The following LITAF variants were observed in gnomAD, a reference collection of about 807,000 sequenced individuals.
LITAF encodes lipopolysaccharide-induced tumor necrosis factor-alpha factor.
In LITAF, 9 loss-of-function variants were observed where a neutral mutation model predicts 14.5. That is an observed-to-expected ratio of 0.62 (90% confidence interval 0.37 to 1.08). LITAF has a LOEUF of 1.08. Among genes scored for constraint, LITAF ranks in the 50% least tolerant of loss-of-function variants. LITAF has a pLI of 0.01. For missense variants in LITAF, 206 were observed against 213.4 expected (o/e 0.97, Z 0.22); for synonymous variants, 98 against 88.2 (o/e 1.11, Z -0.62).
At chr16:11,629,671 T>C (rs2065106128) in intron 3 of LITAF, among the ~76,000 whole-genome samples, 1 of 152,138 alleles carries the variant, frequency 6.6e-6, no homozygotes, top group South Asian at 2.1e-4. Context: ...CATGGACTGG[T>C]TGCAGCTGGG....
chr16:11,628,221 C>T (rs1043224118), intron 3 of LITAF, among the ~76,000 whole-genome samples: 2 of 152,136 alleles, frequency 1.3e-5, no homozygotes, highest in African/African-American at 4.8e-5. Flanking sequence ...TGACTCATCC[C>T]AGCCCCAACC....
intron 1 of LITAF, among the ~76,000 whole-genome samples, chr16:11,570,502 C>G (rs1381062183): frequency 6.6e-6 from 1 of 152,174 alleles, no homozygotes; most frequent in African/African-American, 2.4e-5. Context: ...GACCTTCCCA[C>G]CCCTACCCGC....
intron 3 of LITAF, among the ~76,000 whole-genome samples, chr16:11,607,756 A>T (rs1460469115): frequency 1.3e-5 from 2 of 152,100 alleles, no homozygotes; most frequent in Admixed American, 6.6e-5. Context: ...GGGTTCATCA[A>T]CCTTGGCACT....
chr16:11,592,972 C>T (rs985357835), intron 1 of LITAF, among the ~76,000 whole-genome samples: 2 of 152,062 alleles, frequency 1.3e-5, no homozygotes, highest in African/African-American at 4.8e-5. Context: ...AGATCGAGAC[C>T]ATCCTGGCTA....
chr16:11,628,646 G>C (rs576310468), intron 3 of LITAF, among the ~76,000 whole-genome samples: 2 of 151,980 alleles, frequency 1.3e-5, no homozygotes, highest in Non-Finnish European at 1.5e-5. Context: ...GGGATTACAG[G>C]TGTGTGCCAC....
At chr16:11,556,770 T>C (rs982239675) in intron 1 of LITAF, 35 bp from the exon 2 acceptor site, 1 of 1,520,838 alleles carries the variant, frequency 6.6e-7, no homozygotes, top group Non-Finnish European at 9.1e-7. Context: ...GATAAGAAAT[T>C]CAGTTGATCT....
intron 1 of LITAF, among the ~76,000 whole-genome samples, chr16:11,559,510 T>C (rs976180740): frequency 1.3e-5 from 2 of 152,156 alleles, no homozygotes. Flanking sequence ...GATAAAAATT[T>C]AGCATTCAAT....
intron 3 of LITAF, among the ~76,000 whole-genome samples, chr16:11,626,727 C>A (rs1326135123): frequency 3.3e-5 from 5 of 152,216 alleles, no homozygotes; most frequent in Admixed American, 6.6e-5. Flanking sequence ...CCACCTTGGC[C>A]TCCCAAAGTG....
At chr16:11,604,524 C>T (rs1046975814) in intron 3 of LITAF, among the ~76,000 whole-genome samples, 25 of 151,402 alleles carry the variant, frequency 1.7e-4, no homozygotes, top group African/African-American at 5.6e-4. Flanking sequence ...AAGAATCTCT[C>T]GGCCAGGTGT....
At chr16:11,629,599 T>C (rs569433006) in intron 3 of LITAF, among the ~76,000 whole-genome samples, 2 of 152,220 alleles carry the variant, frequency 1.3e-5, no homozygotes, top group East Asian at 3.9e-4. Flanking sequence ...GCGGCCACAC[T>C]CGAAGCAGCC....
Position 11,632,169 on chromosome 16 carries a change from G to A in LITAF, c.85+1364C>T, listed in dbSNP as rs572389577. Among the ~76,000 whole-genome samples the A allele has an allele frequency of 7.4e-4, 113 of 152,200 alleles. No homozygotes were observed. Among genetic ancestry groups the A allele is most frequent in the Middle Eastern group, 3.4e-3 (1 of 294 alleles). On this transcript the variant is annotated intron_variant, in intron 3 of 3. Coordinates refer to the LITAF transcript ENST00000574848. The surrounding 1 kb of genome is among the most constrained non-coding windows in gnomAD (Gnocchi z 4.8). ...GGCGTGAGCCACTGCGCCCGGCCTCGCAAAGAACCTATTTTCAAATCAGGT... is the reference window on the plus strand; with the variant it reads ...GGCGTGAGCCACTGCGCCCGGCCTCACAAAGAACCTATTTTCAAATCAGGT...
At chr16:11,550,216 A>G (rs1202733611) in intron 3 of LITAF, among the ~76,000 whole-genome samples, 1 of 152,166 alleles carries the variant, frequency 6.6e-6, no homozygotes, top group African/African-American at 2.4e-5. Flanking sequence ...CAGCCTCCTG[A>G]GTAGCTGGGA....
chr16:11,631,754 C>A (rs570043544), intron 3 of LITAF, among the ~76,000 whole-genome samples: 2 of 152,128 alleles, frequency 1.3e-5, no homozygotes, highest in East Asian at 1.9e-4. Flanking sequence ...TACACAGACA[C>A]CCGTCATTGG....
chr16:11,585,765 C>A (rs865951868), intron 1 of LITAF, among the ~76,000 whole-genome samples: 57 of 152,150 alleles, frequency 3.7e-4, no homozygotes, highest in African/African-American at 1.4e-3. Flanking sequence ...CACCAGTGCA[C>A]CAGGCCAAGG....
chr16:11,599,954 C>A (rs1475100714), upstream of LITAF, among the ~76,000 whole-genome samples: 8 of 152,116 alleles, frequency 5.3e-5, no homozygotes, highest in East Asian at 1.5e-3. Context: ...ACACTCCCAC[C>A]CTGTCACCTT....
chr16:11,598,914 G>A (rs376113096), upstream of LITAF, among the ~76,000 whole-genome samples: 3 of 151,796 alleles, frequency 2.0e-5, no homozygotes, highest in East Asian at 5.8e-4. Context: ...CCACCTCCCG[G>A]GTTCAAGCGA....
chr16:11,636,050 C>T (rs1190830456), intron 1 of LITAF: 1 of 152,260 alleles, frequency 6.6e-6, no homozygotes, highest in Non-Finnish European at 1.5e-5. Flanking sequence ...GAAGAACCGC[C>T]ATCTGTACTG....
At chr16:11,633,053 G>A (rs2065125349) in intron 3 of LITAF, among the ~76,000 whole-genome samples, 1 of 152,170 alleles carries the variant, frequency 6.6e-6, no homozygotes, top group African/African-American at 2.4e-5. Context: ...GGGAAAGGAG[G>A]TCTCTCTAGC....
intron 3 of LITAF, among the ~76,000 whole-genome samples, chr16:11,611,500 A>G (rs1486231204): frequency 1.3e-5 from 2 of 152,154 alleles, no homozygotes; most frequent in East Asian, 1.9e-4. Flanking sequence ...CTGCATTTTT[A>G]TTTACTAAAT....
Sources: allele counts gnomAD v4.1 joint callset (sites outside exome capture counted in the v4.1 genomes callset), GRCh38; gene constraint gnomAD v4.1.1; non-coding constraint Gnocchi (gnomAD v3.1); transcripts MANE v1.5; gene names NCBI Gene and HGNC (gene_info 2026-07-23, HGNC 2026-07-21).